The following ERBB2 variants were observed in gnomAD, a reference collection of about 807,000 sequenced individuals.
ERBB2 encodes receptor tyrosine-protein kinase erbB-2.
Under a neutral mutation model 149.0 loss-of-function variants are expected in ERBB2, and 61 were observed. The observed-to-expected ratio is 0.41, with a 90% confidence interval of 0.33 to 0.51. The LOEUF is 0.51. Among genes scored for constraint, ERBB2 ranks in the 20% least tolerant of loss-of-function variants. The pLI, the probability that ERBB2 is intolerant of heterozygous loss-of-function variation, is 0.25. For missense variants in ERBB2, 1,205 were observed against 1,655.1 expected, an observed-to-expected ratio of 0.73 and a Z score of 4.72; for synonymous variants, 633 against 678.8, an observed-to-expected ratio of 0.93 and a Z score of 1.05.
rs1255495543 is a variant in ERBB2 at position 39,688,179 on chromosome 17, C to T, written c.-481C>T. On this transcript the variant is annotated 5_prime_UTR_variant, in exon 1 of 18. Coordinates refer to the ERBB2 transcript ENST00000578199. ...GTGGGCGCCTGCCCCGCCCCTCGTC[C>T]CCCTGCTGTGTCCATATATCGAGGC... 8.8e-6 allele frequency: 5 copies of T among 567,098 alleles called. No individual in the cohort carries two copies. In the African/African-American group the frequency reaches 9.7e-5, roughly 11 times the overall value. 35.1% of individuals were successfully genotyped at this position (567,098 alleles called of 1,614,324 possible).
rs759226286 is a variant in ERBB2, at chr17:39,710,499, A to G, written c.901+18A>G. ...CTGTCCCTGTGAGTGCCAGGGAGAA[A>G]CACAGTTTTCTCATTTTGGTGGGGA... On this transcript the variant is annotated intron_variant, in intron 7 of 26. Transcript: ENST00000269571. The G allele has an allele frequency of 6.2e-7, 1 of 1,613,630 alleles. No individual in the cohort carries two copies. Among genetic ancestry groups the G allele is most frequent in the South Asian group, 1.1e-5 (1 of 91,080 alleles).
chr17:39,713,107 T>C (rs1187405095), intron 9 of ERBB2: 4 of 152,404 alleles, frequency 2.6e-5, no homozygotes, highest in African/African-American at 9.6e-5. Context: ...AACTGTGTGA[T>C]AAGAGTCTGT....
At position 39,716,326 on chromosome 17, in the gene ERBB2, G is replaced by C. The variant is rs1238891256; in HGVS notation, c.1539G>C (p.Gln513His). The C allele has an allele frequency of 6.2e-7, 1 of 1,601,442 alleles. No homozygotes were observed. ...ECVGEGLACH[Q>H]LCARGHCWGP... is the part of the protein sequence containing the mutation. ...TGGGCGAGGGCCTGGCCTGCCACCA[G>C]CTGTGCGCCCGAGGGCACTGCTGGG... Residue 513 changes from glutamine (Q) to histidine (H), a missense_variant, in exon 13 of 27, where the codon CAG (glutamine) becomes CAC (histidine). This residue lies in a region of ERBB2 where 569 missense variants were observed against 803.5 expected (regional missense o/e 0.71). Transcript: ENST00000269571.
chr17:39,723,122 T>C lies in ERBB2; in HGVS notation c.1947-197T>C, dbSNP rs2059537433. 6.6e-6 allele frequency among the ~76,000 whole-genome samples: 1 copy of C among 152,166 alleles called. No individual in the cohort carries two copies. The highest frequency in any genetic ancestry group is 1.5e-5 in the Non-Finnish European group (1 of 68,028). On this transcript the variant is annotated intron_variant, in intron 16 of 26. Transcript: ENST00000269571. The surrounding 1 kb of genome is among the most constrained non-coding windows in gnomAD (Gnocchi z 6.2). The stretch of plus-strand genomic sequence containing the variant: ...AGATGCGGAGAGGGTTCTGATTGCC[T>C]ACAAGGAGTTTGGACTTTATTGTGG...
At chr17:39,716,112 G>C (rs1453194257) in intron 12 of ERBB2, 173 bp downstream of exon 12, 2 of 955,358 alleles carry the variant, frequency 2.1e-6, no homozygotes, top group Middle Eastern at 3.2e-4. Context: ...CTCTAGCTGG[G>C]TCCTACCTGC....
intron 16 of ERBB2, among the ~76,000 whole-genome samples, chr17:39,722,485 A>G (rs886944644): frequency 5.9e-5 from 9 of 152,166 alleles, no homozygotes; most frequent in African/African-American, 1.9e-4. Flanking sequence ...TGGGCAACAC[A>G]GCAAGGCCCT....
In ERBB2 at chr17:39,727,584, A is replaced by C; in HGVS notation, c.3412+37A>C. 1 of 1,581,916 alleles carries C rather than the reference A, an allele frequency of 6.3e-7. No homozygotes were observed. Among genetic ancestry groups the C allele is most frequent in the East Asian group, 2.2e-5 (1 of 44,804 alleles). Reference sequence around the variant, plus strand: ...AGTCTAAGCAGAGAGACTGATGGGCAGGGGAGGTGGGACCTTCAGCCCAGG... The same window carrying C: ...AGTCTAAGCAGAGAGACTGATGGGCCGGGGAGGTGGGACCTTCAGCCCAGG... On this transcript the variant is annotated intron_variant, in intron 26 of 26. Coordinates refer to ENST00000269571, the MANE Select transcript of ERBB2 (RefSeq NM_004448.4). This position sits in a 1 kb window ranked among gnomAD's most constrained non-coding sequence, Gnocchi z 4.3.
Position 39,712,306 on chromosome 17 carries a change from AC to A in ERBB2, c.1022-11del. The stretch of plus-strand genomic sequence containing the variant: ...GGCTGAGACGGCCCCTTCCCCACCC[AC>A]CCCCACCTCCTCAGTGTGCTATGGT... On this transcript the variant is annotated splice_polypyrimidine_tract_variant and intron_variant, in intron 8 of 26. Coordinates refer to ENST00000269571, the MANE Select transcript of ERBB2 (RefSeq NM_004448.4). 1 of 1,321,718 alleles carries A rather than the reference AC, an allele frequency of 7.6e-7. No individual in the cohort carries two copies. The highest frequency in any genetic ancestry group is 1.1e-6 in the Non-Finnish European group (1 of 940,228). 81.9% of individuals were successfully genotyped at this position (1,321,718 alleles called of 1,614,324 possible).
upstream of ERBB2, among the ~76,000 whole-genome samples, chr17:39,691,546 TAA>T (rs557885708): frequency 1.2e-4 from 13 of 108,528 alleles, no homozygotes; most frequent in African/African-American, 3.5e-4. Context: ...CCATCTACAT[TAA>T]AAAAAAAAAT....
chr17:39,703,060 G>A (rs1295261936), intron 1 of ERBB2: 2 of 152,348 alleles, frequency 1.3e-5, no homozygotes, highest in African/African-American at 4.8e-5. Context: ...AAGTGGAGCT[G>A]AGCTGGGGGC....
rs2145685944 is a variant in ERBB2, at chr17:39,716,525, G to T, written c.1657G>T (p.Glu553Ter). ...ECRVLQGLPREYVNARHCLPC... is the reference protein window; with the variant it reads ...ECRVLQGLPR ...TGTCCCTTCTCTCAGGCTCCCCAGG[G>T]AGTATGTGAATGCCAGGCACTGTTT... is the stretch of plus-strand genomic sequence containing the variant. Residue 553 changes from glutamate (E) to a stop codon, truncating the protein, a stop_gained, in exon 14 of 27, where the codon GAG (glutamate) becomes TAG (stop). Coordinates refer to ENST00000269571, the MANE Select transcript of ERBB2 (RefSeq NM_004448.4). LOFTEE classifies it high-confidence loss of function. The T allele has an allele frequency of 2.5e-6, 4 of 1,614,172 alleles. No individual in the cohort carries two copies. Among genetic ancestry groups the T allele is most frequent in the Non-Finnish European group, 3.4e-6 (4 of 1,180,010 alleles).
chr17:39,724,615 T>G, intron 19 of ERBB2, 111 bp from the exon 20 acceptor site: 1 of 938,354 alleles, frequency 1.1e-6, no homozygotes, highest in South Asian at 1.5e-5. Context: ...GCTGGTACTT[T>G]GAGCCTTCAC....
chr17:39,697,212 G>GTTCC (rs2057882703), upstream of ERBB2, among the ~76,000 whole-genome samples: 1 of 152,098 alleles, frequency 6.6e-6, no homozygotes, highest in East Asian at 1.9e-4. Context: ...GGGCTGCTGT[G>GTTCC]TTCCATACAC....
rs545806496 is a variant in ERBB2 at position 39,727,516 on chromosome 17, C to T, written c.3381C>T (p.Tyr1127=). The change falls in exon 26 of 27, where the codon TAC becomes TAT. Residue 1127 remains tyrosine (Y), a synonymous_variant. Transcript: ENST00000269571. The surrounding 1 kb of genome is among the most constrained non-coding windows in gnomAD (Gnocchi z 4.3). ...CCCTGCCCTCTGAGACTGATGGCTA[C>T]GTTGCCCCCCTGACCTGCAGCCCCC... ...TVPLPSETDG[Y]VAPLTCSPQP... The T allele has an allele frequency of 1.1e-5, 17 of 1,606,920 alleles. No individual in the cohort carries two copies. Among genetic ancestry groups the T allele is most frequent in the Admixed American group, 8.7e-5 (5 of 57,188 alleles).
Position 39,700,278 on chromosome 17 carries a change from G to T in ERBB2, c.40G>T (p.Ala14Ser), listed in dbSNP as rs1442246817. 2 of 1,432,256 alleles carry T rather than the reference G, an allele frequency of 1.4e-6. No homozygotes were observed. The highest frequency in any genetic ancestry group is 3.0e-5 in the East Asian group (1 of 33,062). The allele number at this position is 1,432,256 out of a possible 1,614,324, so 88.7% of individuals were successfully genotyped here. Residue 14 changes from alanine to serine, a missense_variant, in exon 1 of 27, where the codon GCC becomes TCC. This residue lies in a region of ERBB2 where 101 missense variants were observed against 95.1 expected (regional missense o/e 1.06). Transcript: ENST00000269571. ...CTTGTGCCGCTGGGGGCTCCTCCTC[G>T]CCCTCTTGCCCCCCGGAGCCGCGAG... ...AALCRWGLLL[A>S]LLPPGAASTQ...
upstream of ERBB2, among the ~76,000 whole-genome samples, chr17:39,695,704 T>TACACACACACAC (rs56249643): frequency 0.044 from 4,251 of 96,606 alleles, 384 homozygotes; most frequent in East Asian, 0.076. Flanking sequence ...GGTGCATGCA[T>TACACACACACAC]ACACACACAC....
At chr17:39,718,352 A>G (rs2145727323) in intron 15 of ERBB2, among the ~76,000 whole-genome samples, 1 of 152,082 alleles carries the variant, frequency 6.6e-6, no homozygotes, top group African/African-American at 2.4e-5. Flanking sequence ...CTTTCACTCA[A>G]CTCCCTGTCC....
At chr17:39,717,604 CACATTGTTA>C (rs1465370689) in intron 15 of ERBB2, 124 bp downstream of exon 15, 5 of 775,106 alleles carry the variant, frequency 6.5e-6, no homozygotes, top group East Asian at 5.4e-5. Flanking sequence ...ACAAAAATAA[CACATTGTTA>C]AAATTGTAAA....
At chr17:39,689,007 C>T (rs1433860730) in intron 2 of ERBB2, among the ~76,000 whole-genome samples, 1 of 152,180 alleles carries the variant, frequency 6.6e-6, no homozygotes, top group Admixed American at 6.5e-5. Flanking sequence ...CCCCTGCACT[C>T]CCATCAGCAC....
Sources: gnomAD v4.1 joint callset for allele counts (sites outside exome capture counted in the v4.1 genomes callset) on GRCh38, gnomAD v4.1.1 for gene constraint, gnomAD v4.1.1 regional missense constraint, Gnocchi (gnomAD v3.1) non-coding constraint, MANE v1.5 for transcripts, NCBI Gene and HGNC (gene_info 2026-07-23, HGNC 2026-07-21) for gene names.